The following NRG1 variants were observed in gnomAD, a reference collection of about 807,000 sequenced individuals.
NRG1 encodes pro-neuregulin-1, membrane-bound isoform.
A neutral mutation model predicts 63.8 loss-of-function variants in NRG1; 18 were observed. The ratio of observed to expected loss-of-function variants is 0.28; its 90% CI spans 0.19 to 0.42. The LOEUF (loss-of-function observed/expected upper bound fraction) is 0.42. Among genes scored for constraint, NRG1 ranks in the 10% least tolerant of loss-of-function variants. NRG1 has a pLI of 1.00. For synonymous variants in NRG1, 302 were observed against 301.3 expected (o/e 1.00, Z -0.02); for missense variants, 762 against 814.7 (o/e 0.94, Z 0.79).
intron 1 of NRG1, among the ~76,000 whole-genome samples, chr8:31,960,680 A>C (rs1805299490): frequency 6.6e-6 from 1 of 152,206 alleles, no homozygotes; most frequent in South Asian, 2.1e-4. Flanking sequence ...TAATTCTTAA[A>C]GCTTAGAGTG....
At position 32,331,135 on chromosome 8, in the gene NRG1, T is replaced by C. The variant is rs1802595018; in HGVS notation, c.38-264693T>C. Among the ~76,000 whole-genome samples the C allele has an allele frequency of 2.0e-5, 3 of 152,098 alleles. No homozygotes were observed. In the South Asian group the frequency reaches 6.2e-4, roughly 32 times the overall value. On this transcript the variant is annotated intron_variant, in intron 1 of 10. Transcript: ENST00000519301. ...ATAAATAGAGTCGTTACGCAAGTCT[T>C]CATGAGTTAATTTCTCTCTCCAGTT...
chr8:32,015,620 G>A (rs577118459), intron 1 of NRG1, among the ~76,000 whole-genome samples: 13 of 152,210 alleles, frequency 8.5e-5, no homozygotes, highest in Admixed American at 5.2e-4. Context: ...TTGTGCGCAC[G>A]TAAATCTCTA....
At chr8:32,432,274 C>T (rs969513390) in intron 1 of NRG1, among the ~76,000 whole-genome samples, 65 of 152,216 alleles carry the variant, frequency 4.3e-4, no homozygotes, top group African/African-American at 1.5e-3. Context: ...TGAAAGCTAA[C>T]TATGTACTAA....
At chr8:32,636,374 A>C (rs1171982690) in intron 5 of NRG1, among the ~76,000 whole-genome samples, 2 of 152,218 alleles carry the variant, frequency 1.3e-5, no homozygotes, top group African/African-American at 4.8e-5. Context: ...TTTGTACTGC[A>C]TCATACATAT....
chr8:32,418,505 G>A (rs925124603), intron 1 of NRG1, among the ~76,000 whole-genome samples: 10 of 151,594 alleles, frequency 6.6e-5, no homozygotes, highest in East Asian at 1.9e-4. Flanking sequence ...AATTTAGCAC[G>A]TATTTTACAC....
At chr8:32,631,481 C>T (rs1200957893) in intron 5 of NRG1, among the ~76,000 whole-genome samples, 1 of 152,184 alleles carries the variant, frequency 6.6e-6, no homozygotes, top group Non-Finnish European at 1.5e-5. Flanking sequence ...GCCGAACTTT[C>T]TAGCCTCTGC....
intron 5 of NRG1, among the ~76,000 whole-genome samples, chr8:32,648,983 C>A (rs567793355): frequency 6.6e-6 from 1 of 152,294 alleles, no homozygotes; most frequent in Non-Finnish European, 1.5e-5. Context: ...TGCTGTCCTG[C>A]CCAGATGGCA....
At position 31,968,653 on chromosome 8, in the gene NRG1, G is replaced by A. The variant is rs937622083; in HGVS notation, c.37+329222G>A. ...AATGGATCCTGTCTCTGAACCTGCA[G>A]GCATCATCATATACTATCGTAAGTG... On this transcript the variant is annotated intron_variant, in intron 1 of 10. Transcript: ENST00000519301. 6.6e-5 allele frequency among the ~76,000 whole-genome samples: 10 copies of A among 152,164 alleles called. No individual in the cohort carries two copies. In the South Asian group the frequency reaches 2.1e-3, roughly 32 times the overall value.
At chr8:32,311,556 C>G (rs1403303466) in intron 1 of NRG1, among the ~76,000 whole-genome samples, 2 of 152,006 alleles carry the variant, frequency 1.3e-5, no homozygotes, top group Non-Finnish European at 2.9e-5. Flanking sequence ...ACAGCATGTC[C>G]CAGCAAAAGT....
At chr8:31,708,748 A>G (rs568240808) in intron 1 of NRG1, among the ~76,000 whole-genome samples, 2 of 152,246 alleles carry the variant, frequency 1.3e-5, no homozygotes, top group South Asian at 2.1e-4. Flanking sequence ...CCCGGCCAAC[A>G]TAATTGTTTT....
intron 1 of NRG1, among the ~76,000 whole-genome samples, chr8:31,872,604 A>T (rs1281135302): frequency 2.6e-5 from 4 of 152,192 alleles, no homozygotes; most frequent in Non-Finnish European, 5.9e-5. Flanking sequence ...TTCCTTCATA[A>T]ATCATATTTT....
At chr8:32,570,658 A>C (rs1400398729) in intron 1 of NRG1, among the ~76,000 whole-genome samples, 1 of 152,208 alleles carries the variant, frequency 6.6e-6, no homozygotes. Flanking sequence ...AAATACATAC[A>C]TTCAGTGTAT....
At chr8:32,019,904 A>G (rs1194904464) in intron 1 of NRG1, among the ~76,000 whole-genome samples, 2 of 152,138 alleles carry the variant, frequency 1.3e-5, no homozygotes, top group Non-Finnish European at 2.9e-5. Context: ...CTATTCTGTT[A>G]TCTTTACTCA....
chr8:31,792,708 T>C (rs1484882882), intron 1 of NRG1, among the ~76,000 whole-genome samples: 2 of 152,220 alleles, frequency 1.3e-5, no homozygotes, highest in Non-Finnish European at 2.9e-5. Context: ...CGTCTTGGCC[T>C]TACAGACTGT....
intron 8 of NRG1, among the ~76,000 whole-genome samples, chr8:32,756,131 A>C (rs774456999): frequency 2.6e-5 from 4 of 152,196 alleles, no homozygotes; most frequent in Non-Finnish European, 5.9e-5. Flanking sequence ...ATTTTAGTCA[A>C]TTATCAAGTT....
At chr8:32,645,334 C>T (rs1853286912) in intron 5 of NRG1, among the ~76,000 whole-genome samples, 1 of 152,184 alleles carries the variant, frequency 6.6e-6, no homozygotes, top group African/African-American at 2.4e-5. Flanking sequence ...ATTTACTGTG[C>T]AGATTATAGA....
intron 1 of NRG1, among the ~76,000 whole-genome samples, chr8:32,309,437 C>T (rs1163363044): frequency 6.6e-6 from 1 of 152,042 alleles, no homozygotes; most frequent in Non-Finnish European, 1.5e-5. Flanking sequence ...ATATAAAAGC[C>T]CCTTCTTCAG....
intron 1 of NRG1, among the ~76,000 whole-genome samples, chr8:31,775,032 A>C (rs1818983023): frequency 2.0e-5 from 3 of 152,188 alleles, no homozygotes; most frequent in Admixed American, 6.5e-5. Context: ...AACAGTGTGG[A>C]GATTTCTCAA....
chr8:32,214,987 T>A (rs1188981404), intron 1 of NRG1, among the ~76,000 whole-genome samples: 1 of 152,232 alleles, frequency 6.6e-6, no homozygotes, highest in Non-Finnish European at 1.5e-5. Context: ...GTATTTTAAA[T>A]GAACTTGAAT....
Sources: gnomAD v4.1 joint callset for allele counts (sites outside exome capture counted in the v4.1 genomes callset) on GRCh38, gnomAD v4.1.1 for gene constraint, MANE v1.5 for transcripts, NCBI Gene and HGNC (gene_info 2026-07-23, HGNC 2026-07-21) for gene names.